Variants in FLRT2 observed in about 807,000 individuals in gnomAD.
FLRT2 encodes the protein fibronectin leucine rich transmembrane protein 2.
In FLRT2, 15 loss-of-function variants were observed where a neutral mutation model predicts 40.0. That is an observed-to-expected ratio of 0.38 (90% CI 0.25 to 0.58). The LOEUF (loss-of-function observed/expected upper bound fraction) is 0.58, where lower values mean the gene tolerates loss of function less well. Among genes scored for constraint, FLRT2 ranks in the 20% least tolerant of loss-of-function variants. The pLI is 0.71. For synonymous variants in FLRT2, 380 were observed against 336.8 expected, an observed-to-expected ratio of 1.13 and a Z score of -1.41; for missense variants, 726 against 840.0, an observed-to-expected ratio of 0.86 and a Z score of 1.68.
In FLRT2 at chr14:85,623,534, G is replaced by C; in HGVS notation, c.*37G>C. On this transcript the variant is annotated 3_prime_UTR_variant, in exon 2 of 2. Coordinates refer to ENST00000330753, the MANE Select transcript of FLRT2 (RefSeq NM_013231.6). Reference sequence around the variant, plus strand: ...CCAGCGTTATCAAGGCGGACAATTAGACTCTTGAGAACACACTCGTGTGTG... The same window carrying C: ...CCAGCGTTATCAAGGCGGACAATTACACTCTTGAGAACACACTCGTGTGTG... 7 of 1,402,640 alleles carry C rather than the reference G, an allele frequency of 5.0e-6. No homozygotes were observed. Among genetic ancestry groups the C allele is most frequent in the Non-Finnish European group, 6.5e-6 (7 of 1,072,786 alleles). The allele number at this position is 1,402,640 out of a possible 1,614,324, so 86.9% of individuals were successfully genotyped here.
At chr14:85,560,215 G>A (rs922189713) in intron 1 of FLRT2, among the ~76,000 whole-genome samples, 2 of 152,134 alleles carry the variant, frequency 1.3e-5, no homozygotes, top group Admixed American at 6.6e-5. Context: ...GTGAGAAGAT[G>A]TGAACATACA....
In FLRT2 at chr14:85,634,439, C is replaced by T. The variant is rs540006292; in HGVS notation, c.*10942C>T. On this transcript the variant is annotated 3_prime_UTR_variant, in exon 2 of 2. Transcript: ENST00000330753. ...ACTGCCCTCATTAGTTGGAATATAG[C>T]ATGCTTTACTAGTGTATCTGAAGTA... The T allele has an allele frequency of 7.2e-5, 11 of 152,256 alleles. No homozygotes were observed. The East Asian group carries it at 2.1e-3, about 29-fold the overall frequency. 9.4% of individuals were successfully genotyped at this position (152,256 alleles called of 1,614,324 possible). A position where few individuals can be genotyped will look rare whatever the true frequency, so the allele number is the denominator to read the frequency against.
At chr14:85,570,161 C>T (rs540394796) in intron 1 of FLRT2, among the ~76,000 whole-genome samples, 4 of 152,286 alleles carry the variant, frequency 2.6e-5, no homozygotes, top group African/African-American at 9.6e-5. Context: ...CCCTGGGCTC[C>T]TTTGAAAATG....
At chr14:85,577,178 G>C (rs1891156771) in intron 1 of FLRT2, among the ~76,000 whole-genome samples, 1 of 152,166 alleles carries the variant, frequency 6.6e-6, no homozygotes, top group South Asian at 2.1e-4. Context: ...AAATACTGTA[G>C]TAAAAGGCTT....
Position 85,623,084 on chromosome 14 carries a change from A to C in FLRT2, c.1570A>C (p.Asn524His). ...TGCCTCCTATCTGAACAACGGCAGC[A>C]ACACAGCGTCCAGCCATGAGCAGAC... is the stretch of plus-strand genomic sequence containing the variant. ...THASYLNNGS[N>H]TASSHEQTTS... Residue 524 changes from asparagine to histidine, a missense_variant, in exon 2 of 2, where the codon AAC becomes CAC. By Grantham distance (68) the Asn-to-His change is moderately conservative. This residue lies in a region of FLRT2 where 611 missense variants were observed against 690.0 expected (regional missense o/e 0.89). Transcript: ENST00000330753. 6.2e-7 allele frequency: 1 copy of C among 1,614,136 alleles called. No individual in the cohort carries two copies. Among genetic ancestry groups the C allele is most frequent in the Non-Finnish European group, 8.5e-7 (1 of 1,180,012 alleles).
intron 1 of FLRT2, among the ~76,000 whole-genome samples, chr14:85,587,802 A>G (rs1249040239): frequency 6.6e-6 from 1 of 152,208 alleles, no homozygotes; most frequent in Admixed American, 6.5e-5. Context: ...TTTAGCATAA[A>G]TTTCTCATGA....
intron 1 of FLRT2, among the ~76,000 whole-genome samples, chr14:85,544,461 A>G (rs7160530): frequency 0.2 from 29,913 of 152,170 alleles, 3,394 homozygotes; most frequent in South Asian, 0.26. Context: ...GTCTTGTGAA[A>G]TTTTGTGCAT....
chr14:85,614,576 G>A (rs1280152831), intron 1 of FLRT2, among the ~76,000 whole-genome samples: 2 of 152,186 alleles, frequency 1.3e-5, no homozygotes, highest in African/African-American at 2.4e-5. Flanking sequence ...GGAGCGGCTG[G>A]GTGGTCAAAC....
rs1566770807 is a variant in FLRT2, at chr14:85,630,210, C to CA, written c.*6717dup. 1 of 143,970 alleles carries CA rather than the reference C, an allele frequency of 6.9e-6. No homozygotes were observed. The highest frequency in any genetic ancestry group is 1.5e-5 in the Non-Finnish European group (1 of 66,128). 8.9% of individuals were successfully genotyped at this position (143,970 alleles called of 1,614,324 possible). On this transcript the variant is annotated 3_prime_UTR_variant, in exon 2 of 2. Coordinates refer to ENST00000330753, the MANE Select transcript of FLRT2 (RefSeq NM_013231.6). Reference sequence around the variant, plus strand: ...CTGGCTCTACTGAAAGTTAAGGATACAAAAGTTTTTAATGGTAATAACCCA... The same window carrying CA: ...CTGGCTCTACTGAAAGTTAAGGATACAAAAAGTTTTTAATGGTAATAACCCA...
At chr14:85,544,969 G>A (rs1294243556) in intron 1 of FLRT2, among the ~76,000 whole-genome samples, 1 of 151,996 alleles carries the variant, frequency 6.6e-6, no homozygotes, top group Non-Finnish European at 1.5e-5. Flanking sequence ...CTAGCCTTTG[G>A]TTTCATCTGG....
Position 85,641,063 on chromosome 14 carries a change from C to T in FLRT2, c.*17566C>T, listed in dbSNP as rs945250169. ...ATGTGGGTGGCAATTATTCTAATCC[C>T]TTCCACAAAGTATTTAGTCTATGAC... is the stretch of plus-strand genomic sequence containing the variant. On this transcript the variant is annotated 3_prime_UTR_variant, in exon 2 of 2. Coordinates refer to ENST00000330753, the MANE Select transcript of FLRT2 (RefSeq NM_013231.6). 2.0e-5 allele frequency: 3 copies of T among 152,172 alleles called. No homozygotes were observed. The highest frequency in any genetic ancestry group is 7.2e-5 in the African/African-American group (3 of 41,422). The allele number at this position is 152,172 out of a possible 1,614,324, so 9.4% of individuals were successfully genotyped here.
chr14:85,628,855 A>G lies in FLRT2; in HGVS notation c.*5358A>G, dbSNP rs762326190. The G allele has an allele frequency of 2.0e-5, 3 of 152,184 alleles. No individual in the cohort carries two copies. Among genetic ancestry groups the G allele is most frequent in the Non-Finnish European group, 4.4e-5 (3 of 68,022 alleles). 9.4% of individuals were successfully genotyped at this position (152,184 alleles called of 1,614,324 possible). A position where few individuals can be genotyped will look rare whatever the true frequency, so the allele number is the denominator to read the frequency against. ...GACCTTATTCTATACAGACTAAACCATTAGTCAAAAAATACCATTCATTCA... is the reference window on the plus strand; with the variant it reads ...GACCTTATTCTATACAGACTAAACCGTTAGTCAAAAAATACCATTCATTCA... On this transcript the variant is annotated 3_prime_UTR_variant, in exon 2 of 2. Transcript: ENST00000330753.
intron 1 of FLRT2, among the ~76,000 whole-genome samples, chr14:85,614,387 G>A (rs76193974): frequency 7.0e-6 from 1 of 142,024 alleles, no homozygotes; most frequent in Non-Finnish European, 1.5e-5. Context: ...AAAAAAAAAG[G>A]TAAAATTCAG....
chr14:85,559,622 C>A (rs1348419482), intron 1 of FLRT2, among the ~76,000 whole-genome samples: 2 of 152,090 alleles, frequency 1.3e-5, no homozygotes, highest in Non-Finnish European at 2.9e-5. Flanking sequence ...TATACGTTGT[C>A]TATAAAGCCC....
intron 1 of FLRT2, among the ~76,000 whole-genome samples, chr14:85,613,965 C>A (rs1400579512): frequency 6.6e-6 from 1 of 152,172 alleles, no homozygotes; most frequent in African/African-American, 2.4e-5. Flanking sequence ...CAACTCTCTA[C>A]CAAATTAGGG....
chr14:85,622,970 C>G lies in FLRT2; in HGVS notation c.1456C>G (p.Arg486Gly). 1 of 1,614,184 alleles carries G rather than the reference C, an allele frequency of 6.2e-7. No individual in the cohort carries two copies. Among genetic ancestry groups the G allele is most frequent in the South Asian group, 1.1e-5 (1 of 91,082 alleles). ...CCTGAGCCTGGTTAACTTAGAGCCC[C>G]GATCCACCTATCGGATTTGTTTAGT... ...QHLSLVNLEP[R>G]STYRICLVPL... The change falls in exon 2 of 2, where the codon CGA becomes GGA. Residue 486 changes from arginine (R) to glycine (G), a missense_variant. Arg to Gly is a moderately radical substitution (Grantham distance 125). Coordinates refer to ENST00000330753, the MANE Select transcript of FLRT2 (RefSeq NM_013231.6).
intron 1 of FLRT2, among the ~76,000 whole-genome samples, chr14:85,532,231 C>G (rs1888329381): frequency 6.6e-6 from 1 of 152,136 alleles, no homozygotes; most frequent in Admixed American, 6.5e-5. Context: ...TTTAAACTCT[C>G]CGGTTGCATC....
chr14:85,623,447 A>G lies in FLRT2; in HGVS notation c.1933A>G (p.Met645Val). ...CACAGACTGCCATATCCCCAACAAC[A>G]TGCGATACTGCAACAGCAGCGTGCC... ...NYTDCHIPNN[M>V]RYCNSSVPDL... The change falls in exon 2 of 2, where the codon ATG becomes GTG. Residue 645 changes from methionine to valine, a missense_variant. Transcript: ENST00000330753. The G allele has an allele frequency of 6.8e-7, 1 of 1,471,902 alleles. No homozygotes were observed. Among genetic ancestry groups the G allele is most frequent in the Non-Finnish European group, 9.0e-7 (1 of 1,113,136 alleles). 91.2% of individuals were successfully genotyped at this position (1,471,902 alleles called of 1,614,324 possible).
At chr14:85,562,740 T>C (rs1377261277) in intron 1 of FLRT2, 1 of 151,222 alleles carries the variant, frequency 6.6e-6, no homozygotes, top group African/African-American at 2.4e-5. Context: ...GGAAAGAATG[T>C]CGTCACATGA....
Sources: gnomAD v4.1 joint callset for allele counts (sites outside exome capture counted in the v4.1 genomes callset) on GRCh38, gnomAD v4.1.1 for gene constraint, gnomAD v4.1.1 regional missense constraint, MANE v1.5 for transcripts, NCBI Gene and HGNC (gene_info 2026-07-23, HGNC 2026-07-21) for gene names.